The following INTS15 variants were observed in gnomAD, a reference collection of about 807,000 sequenced individuals.
INTS15 encodes uncharacterized protein C7orf26.
the INTS15 span, among the ~76,000 whole-genome samples, chr7:6,599,423 A>G: frequency 1.3e-5 from 2 of 152,024 alleles, no homozygotes; most frequent in African/African-American, 4.8e-5. Flanking sequence ...TCACTGCCCC[A>G]TACAGGAGAC....
the INTS15 span, among the ~76,000 whole-genome samples, chr7:6,604,021 AAC>A: frequency 6.6e-6 from 1 of 152,148 alleles, no homozygotes; most frequent in African/African-American, 2.4e-5. Context: ...AAAAAGTGAA[AAC>A]ACAGAATGCA....
chr7:6,590,386 G>C, the INTS15 span: 1 of 1,607,000 alleles, frequency 6.2e-7, no homozygotes, highest in Non-Finnish European at 8.5e-7. Flanking sequence ...GCTGCAGAGC[G>C]CGCCGCTGCC....
chr7:6,603,952 T>C, the INTS15 span, among the ~76,000 whole-genome samples: 1 of 152,034 alleles, frequency 6.6e-6, no homozygotes, highest in African/African-American at 2.4e-5. Context: ...CACTGAGTTG[T>C]GGTCGCAACT....
At chr7:6,608,411 A>G in the INTS15 span, 6 of 1,375,332 alleles carry the variant, frequency 4.4e-6, no homozygotes, top group East Asian at 2.9e-5. Context: ...AAAGATGCCG[A>G]TCCTGGGAGC....
At chr7:6,590,060 G>T in the INTS15 span, 2 of 278,666 alleles carry the variant, frequency 7.2e-6, no homozygotes, top group African/African-American at 4.5e-5. Flanking sequence ...AGCTCCCGGC[G>T]GCTCCTGGCG....
At chr7:6,599,725 G>A in the INTS15 span, 1 of 1,100,842 alleles carries the variant, frequency 9.1e-7, no homozygotes. Flanking sequence ...CAGACCATCA[G>A]GTGGGCAGTG....
At chr7:6,607,935 C>T in the INTS15 span, 2 of 1,597,666 alleles carry the variant, frequency 1.3e-6, no homozygotes, top group Non-Finnish European at 1.7e-6. This position sits in a 1 kb window ranked among gnomAD's most constrained non-coding sequence, Gnocchi z 6.0. Context: ...CCCGCCCGCG[C>T]TGACGCTTAT....
the INTS15 span, chr7:6,608,431 C>G: frequency 1.5e-6 from 2 of 1,339,238 alleles, no homozygotes; most frequent in Non-Finnish European, 1.9e-6. Flanking sequence ...CCTCTGTTCT[C>G]TGCGCATTTC....
chr7:6,599,236 G>A, the INTS15 span, among the ~76,000 whole-genome samples: 8 of 152,194 alleles, frequency 5.3e-5, no homozygotes, highest in Non-Finnish European at 1.0e-4. Flanking sequence ...AGGAAGCCCA[G>A]ACTAAGTGTC....
the INTS15 span, among the ~76,000 whole-genome samples, chr7:6,592,170 CAAAAA>C: frequency 6.9e-6 from 1 of 144,170 alleles, no homozygotes; most frequent in Admixed American, 6.9e-5. Context: ...GACTCCGTCT[CAAAAA>C]AAAAAGAGTC....
At chr7:6,598,932 G>A in the INTS15 span, among the ~76,000 whole-genome samples, 4 of 151,964 alleles carry the variant, frequency 2.6e-5, no homozygotes. Context: ...GAATATAGGT[G>A]TGCACCACCA....
chr7:6,600,361 G>T, the INTS15 span: 1 of 1,605,992 alleles, frequency 6.2e-7, no homozygotes. Context: ...CGAGAGGTGG[G>T]TGCCTCCCTG....
At chr7:6,591,894 G>C in the INTS15 span, 2 of 1,600,244 alleles carry the variant, frequency 1.2e-6, no homozygotes, top group Non-Finnish European at 1.7e-6. Flanking sequence ...ACCCTCGGCC[G>C]GGTGCGGTGG....
the INTS15 span, chr7:6,600,196 G>A: frequency 1.2e-6 from 2 of 1,614,216 alleles, no homozygotes; most frequent in Non-Finnish European, 1.7e-6. Flanking sequence ...GCCTGGGGCT[G>A]ATCCTCTTCG....
the INTS15 span, among the ~76,000 whole-genome samples, chr7:6,594,827 TCTC>T: frequency 1.3e-5 from 2 of 152,174 alleles, no homozygotes; most frequent in African/African-American, 4.8e-5. Context: ...TTCAAGCAGT[TCTC>T]CTGCCTCAGC....
chr7:6,593,695 G>A, the INTS15 span, among the ~76,000 whole-genome samples: 1 of 145,400 alleles, frequency 6.9e-6, no homozygotes, highest in Non-Finnish European at 1.5e-5. Flanking sequence ...TGCTCATGCT[G>A]GAGTGCAGTG....
At chr7:6,608,563 C>G in the INTS15 span, 1 of 1,089,970 alleles carries the variant, frequency 9.2e-7, no homozygotes. Context: ...CCTTCTGCAG[C>G]CCCGTGAGCT....
the INTS15 span, chr7:6,602,108 G>A: frequency 6.2e-7 from 1 of 1,613,424 alleles, no homozygotes. Flanking sequence ...CAGATGACCT[G>A]AGAACCTTGT....
chr7:6,592,888 G>C, the INTS15 span, among the ~76,000 whole-genome samples: 5 of 152,250 alleles, frequency 3.3e-5, no homozygotes, highest in East Asian at 9.7e-4. Flanking sequence ...GGGATTATAA[G>C]CATGAGCCAC....
Sources: gnomAD v4.1 joint callset for allele counts (sites outside exome capture counted in the v4.1 genomes callset) on GRCh38, gnomAD v4.1.1 for gene constraint, Gnocchi (gnomAD v3.1) non-coding constraint, MANE v1.5 for transcripts, NCBI Gene and HGNC (gene_info 2026-07-23, HGNC 2026-07-21) for gene names.